TSPAN18: variants seen among roughly 807,000 people sequenced by gnomAD.
TSPAN18 encodes tetraspanin-18.
TSPAN18 carries 14 observed loss-of-function variants against 27.3 expected under a neutral mutation model. The ratio of observed to expected loss-of-function variants is 0.51; its 90% CI spans 0.34 to 0.80. TSPAN18 has a LOEUF of 0.80. TSPAN18 is among the 30% of genes least tolerant of loss of function. The pLI, the probability that TSPAN18 is intolerant of heterozygous loss-of-function variation, is 0.01. For missense variants in TSPAN18, 268 were observed against 323.9 expected (o/e 0.83, Z 1.32); for synonymous variants, 143 against 136.5 (o/e 1.05, Z -0.33).
intron 2 of TSPAN18, among the ~76,000 whole-genome samples, chr11:44,816,792 C>T (rs1446962619): frequency 6.6e-6 from 1 of 152,230 alleles, no homozygotes; most frequent in African/African-American, 2.4e-5. Flanking sequence ...TGTCTGGGTG[C>T]AGGAAGGAGG....
At chr11:44,882,585 G>GACAC (rs199874715) in intron 3 of TSPAN18, among the ~76,000 whole-genome samples, 9,621 of 90,520 alleles carry the variant, frequency 0.11, 465 homozygotes, top group South Asian at 0.27. Flanking sequence ...GTCAGAGAGA[G>GACAC]AGACACACAC....
chr11:44,799,603 C>T (rs1856431009), intron 2 of TSPAN18, among the ~76,000 whole-genome samples: 1 of 152,160 alleles, frequency 6.6e-6, no homozygotes, highest in South Asian at 2.1e-4. Flanking sequence ...GCGTGGGGCA[C>T]ATCGATTGGG....
chr11:44,912,340 G>T (rs1404403057), intron 5 of TSPAN18, among the ~76,000 whole-genome samples: 2 of 151,888 alleles, frequency 1.3e-5, no homozygotes, highest in African/African-American at 4.8e-5. Context: ...CTTGATCTCT[G>T]TTTTTATTCC....
chr11:44,829,413 A>G (rs893766608), intron 2 of TSPAN18, among the ~76,000 whole-genome samples: 56 of 152,184 alleles, frequency 3.7e-4, no homozygotes, highest in African/African-American at 1.4e-3. Flanking sequence ...CCTTTCCAGA[A>G]TGTCATATAA....
intron 3 of TSPAN18, among the ~76,000 whole-genome samples, chr11:44,881,006 G>C (rs704667): frequency 0.13 from 20,017 of 152,264 alleles, 1,499 homozygotes; most frequent in East Asian, 0.17. Context: ...GTCCTGCCTG[G>C]GAGAACAGTA....
chr11:44,909,993 A>T, intron 5 of TSPAN18, 94 bp downstream of exon 5: 2 of 1,435,458 alleles, frequency 1.4e-6, no homozygotes, highest in Non-Finnish European at 1.9e-6. Flanking sequence ...TTCCATTCAG[A>T]CCAGTGCTTC....
chr11:44,781,826 T>C (rs1473602904), intron 2 of TSPAN18, among the ~76,000 whole-genome samples: 1 of 152,210 alleles, frequency 6.6e-6, no homozygotes, highest in Non-Finnish European at 1.5e-5. Context: ...GAAAGTTCCC[T>C]CTTAGCCCTC....
At chr11:44,912,254 TCAA>T (rs1859748567) in intron 5 of TSPAN18, among the ~76,000 whole-genome samples, 4 of 152,102 alleles carry the variant, frequency 2.6e-5, no homozygotes, top group Non-Finnish European at 5.9e-5. Context: ...ACTCCTGGGC[TCAA>T]ATGATCCACC....
chr11:44,845,685 C>G (rs1213003420), intron 2 of TSPAN18, among the ~76,000 whole-genome samples: 1 of 152,258 alleles, frequency 6.6e-6, no homozygotes, highest in East Asian at 1.9e-4. Flanking sequence ...AAGCCTGAAG[C>G]TGGGACTTAT....
chr11:44,877,746 T>G (rs1314652652), intron 3 of TSPAN18, among the ~76,000 whole-genome samples: 1 of 152,152 alleles, frequency 6.6e-6, no homozygotes, highest in African/African-American at 2.4e-5. Context: ...AATTACGAAG[T>G]TAGGAGAAAT....
At chr11:44,890,301 A>G (rs754624314) in intron 3 of TSPAN18, among the ~76,000 whole-genome samples, 1 of 152,234 alleles carries the variant, frequency 6.6e-6, no homozygotes, top group Non-Finnish European at 1.5e-5. Flanking sequence ...CTTCACTTTA[A>G]CGTTTCACTG....
intron 1 of TSPAN18, among the ~76,000 whole-genome samples, chr11:44,749,101 T>C (rs1045602140): frequency 5.9e-5 from 9 of 152,214 alleles, no homozygotes; most frequent in Non-Finnish European, 1.2e-4. Context: ...TGAGCTAAGC[T>C]TTTGACCACC....
At chr11:44,801,549 G>A (rs183482913) in intron 2 of TSPAN18, among the ~76,000 whole-genome samples, 1 of 152,192 alleles carries the variant, frequency 6.6e-6, no homozygotes, top group African/African-American at 2.4e-5. Context: ...CAAGGAGTTG[G>A]TGGGGAATCA....
Position 44,908,831 on chromosome 11 carries a change from A to AAGGAAAGAAAGAAAGAAAG in TSPAN18, c.64-872_64-871insGAAAGAAAGAAAGAAAGAG, listed in dbSNP as rs1590671492. 2.6e-4 allele frequency among the ~76,000 whole-genome samples: 25 copies of AAGGAAAGAAAGAAAGAAAG among 96,234 alleles called. 2 individuals carry two copies. The East Asian group carries it at 5.4e-3, about 21-fold the overall frequency. 63.1% of individuals were successfully genotyped at this position (96,234 alleles called of 152,430 possible). A position where few individuals can be genotyped will look rare whatever the true frequency, so the allele number is the denominator to read the frequency against. ...AGAAAGAAAGAAAGAAAGAAAGAAA[A>AAGGAAAGAAAGAAAGAAAG]AGAAAAATGGAGCAGATATTTATTG... On this transcript the variant is annotated intron_variant, in intron 4 of 9. Coordinates refer to ENST00000520358, the MANE Select transcript of TSPAN18 (RefSeq NM_130783.5).
chr11:44,912,753 A>C (rs1436727170), intron 5 of TSPAN18, among the ~76,000 whole-genome samples: 3 of 152,056 alleles, frequency 2.0e-5, no homozygotes, highest in Admixed American at 2.0e-4. Flanking sequence ...CTTTGTGCAT[A>C]TGTACACGTG....
rs547096490 is a variant in TSPAN18 at position 44,880,230 on chromosome 11, A to G, written c.-11+19761A>G. ...GGTTTTCCAAGCTGTAGCCCCGCCAATGAACTCCAAGATGTACGGCAGGAA... is the reference window on the plus strand; with the variant it reads ...GGTTTTCCAAGCTGTAGCCCCGCCAGTGAACTCCAAGATGTACGGCAGGAA... On this transcript the variant is annotated intron_variant, in intron 3 of 9. Transcript: ENST00000520358. Among the ~76,000 whole-genome samples the G allele has an allele frequency of 1.1e-4, 17 of 152,330 alleles. No homozygotes were observed. In the East Asian group the frequency reaches 1.4e-3, roughly 12 times the overall value.
At chr11:44,895,922 C>T (rs746917342) in intron 3 of TSPAN18, among the ~76,000 whole-genome samples, 1 of 152,178 alleles carries the variant, frequency 6.6e-6, no homozygotes, top group Non-Finnish European at 1.5e-5. Context: ...CCCTGAACTA[C>T]AAAGCTGGAA....
intron 2 of TSPAN18, among the ~76,000 whole-genome samples, chr11:44,821,494 G>T (rs1218912666): frequency 6.6e-6 from 1 of 152,124 alleles, no homozygotes; most frequent in Admixed American, 6.5e-5. Flanking sequence ...TTAGTTAAGT[G>T]CATATTAAGG....
chr11:44,917,769 A>G, intron 5 of TSPAN18: 1 of 593,848 alleles, frequency 1.7e-6, no homozygotes, highest in Middle Eastern at 4.5e-4. Context: ...TTCTTTTCAT[A>G]TTTTGATCTC....
Sources: allele counts gnomAD v4.1 joint callset (sites outside exome capture counted in the v4.1 genomes callset), GRCh38; gene constraint gnomAD v4.1.1; transcripts MANE v1.5; gene names NCBI Gene and HGNC (gene_info 2026-07-23, HGNC 2026-07-21).